The following PCDHAC2 variants were observed in gnomAD, a reference collection of about 807,000 sequenced individuals.
The protein encoded by PCDHAC2 is protocadherin alpha subfamily C, 2.
A neutral mutation model predicts 63.3 loss-of-function variants in PCDHAC2; 24 were observed. The ratio of observed to expected loss-of-function variants is 0.38; its 90% CI spans 0.27 to 0.53. PCDHAC2 has a LOEUF of 0.53. Among genes scored for constraint, PCDHAC2 ranks in the 20% least tolerant of loss-of-function variants. PCDHAC2 has a pLI of 0.81. For missense variants in PCDHAC2, 1,181 were observed against 1,275.2 expected (o/e 0.93, Z 1.12); for synonymous variants, 569 against 529.4 (o/e 1.07, Z -1.03).
At position 141,009,688 on chromosome 5, in the gene PCDHAC2, C is replaced by A. The variant is rs2098413722; in HGVS notation, c.2775C>A (p.Thr925=). 1 of 1,613,960 alleles carries A rather than the reference C, an allele frequency of 6.2e-7. No individual in the cohort carries two copies. Among genetic ancestry groups the A allele is most frequent in the Admixed American group, 1.7e-5 (1 of 59,994 alleles). ...CGGGTGTCAACAGCAACAGCTGGAC[C>A]TTTAAATACGGACCAGGCAACCCCA... ...VGAGVNSNSW[T]FKYGPGNPKQ... is the part of the protein sequence containing the mutation. Residue 925 remains threonine, a synonymous_variant, in exon 4 of 4, where the codon ACC becomes ACA. Transcript: ENST00000289269.
Position 141,000,369 on chromosome 5 carries a change from C to CTG in PCDHAC2, c.2714-9257_2714-9256insGT, listed in dbSNP as rs1469177188. On this transcript the variant is annotated intron_variant, in intron 3 of 3. Coordinates refer to ENST00000289269, the MANE Select transcript of PCDHAC2 (RefSeq NM_018899.6). ...TCTCTCTGTCTCTCTCTGTCTCTCT[C>CTG]TCTCTCTCTCTCTCTCTCTCTCTCT... Among the ~76,000 whole-genome samples, 12 of 35,276 alleles carry CTG rather than the reference C, an allele frequency of 3.4e-4. No individual in the cohort carries two copies. In the East Asian group the frequency reaches 5.7e-3, roughly 17 times the overall value. The allele number at this position is 35,276 out of a possible 152,430, so 23.1% of individuals were successfully genotyped here.
At chr5:140,974,426 G>T (rs1417085676) in intron 1 of PCDHAC2, among the ~76,000 whole-genome samples, 1 of 152,152 alleles carries the variant, frequency 6.6e-6, no homozygotes, top group Non-Finnish European at 1.5e-5. Flanking sequence ...TTACTTTCCT[G>T]GTTTGTAAAT....
At chr5:140,971,661 TAGAG>T (rs2096491377) in intron 1 of PCDHAC2, among the ~76,000 whole-genome samples, 1 of 152,064 alleles carries the variant, frequency 6.6e-6, no homozygotes, top group Non-Finnish European at 1.5e-5. Context: ...AGATGGGAAT[TAGAG>T]AGGAAGAGTA....
At chr5:140,998,472 A>G (rs1212895520) in intron 3 of PCDHAC2, among the ~76,000 whole-genome samples, 1 of 151,938 alleles carries the variant, frequency 6.6e-6, no homozygotes, top group Non-Finnish European at 1.5e-5. Context: ...TTTTCCTCCC[A>G]CTGTGCTGTA....
intron 3 of PCDHAC2, among the ~76,000 whole-genome samples, chr5:140,998,686 T>G (rs1245765431): frequency 6.6e-6 from 1 of 152,118 alleles, no homozygotes; most frequent in Non-Finnish European, 1.5e-5. Context: ...TGCCTCAGCC[T>G]CCCAAGTAGC....
chr5:140,967,712 G>A lies in PCDHAC2; in HGVS notation c.946G>A (p.Glu316Lys). 1.2e-6 allele frequency: 2 copies of A among 1,614,196 alleles called. No homozygotes were observed. Among genetic ancestry groups the A allele is most frequent in the Non-Finnish European group, 1.7e-6 (2 of 1,180,042 alleles). ...CTTCAGCATAGATGCCAGTACCGGG[G>A]AAGTGCGAGTAATTGGGGGGCTGGA... ...QLFSIDASTG[E>K]VRVIGGLDYE... Residue 316 changes from glutamate to lysine, a missense_variant, in exon 1 of 4, where the codon GAA becomes AAA. Coordinates refer to ENST00000289269, the MANE Select transcript of PCDHAC2 (RefSeq NM_018899.6).
chr5:140,990,998 T>C (rs994699186), intron 3 of PCDHAC2, among the ~76,000 whole-genome samples: 1 of 152,216 alleles, frequency 6.6e-6, no homozygotes, highest in Non-Finnish European at 1.5e-5. Flanking sequence ...CTACCATTTA[T>C]TGAGAACTGT....
Position 141,010,907 on chromosome 5 carries a change from C to G in PCDHAC2, c.*970C>G, listed in dbSNP as rs2098418753. 6.5e-6 allele frequency: 1 copy of G among 153,766 alleles called. No individual in the cohort carries two copies. 9.5% of individuals were successfully genotyped at this position (153,766 alleles called of 1,614,324 possible). A position where few individuals can be genotyped will look rare whatever the true frequency, so the allele number is the denominator to read the frequency against. ...GAAATATGAATACAATTCCCCTAAACTCTCCTCAAAAGAGAATTCAGTCTA... is the reference window on the plus strand; with the variant it reads ...GAAATATGAATACAATTCCCCTAAAGTCTCCTCAAAAGAGAATTCAGTCTA... On this transcript the variant is annotated 3_prime_UTR_variant, in exon 4 of 4. Coordinates refer to ENST00000289269, the MANE Select transcript of PCDHAC2 (RefSeq NM_018899.6).
intron 3 of PCDHAC2, among the ~76,000 whole-genome samples, chr5:140,991,237 A>G (rs2097440162): frequency 6.6e-6 from 1 of 152,186 alleles, no homozygotes; most frequent in African/African-American, 2.4e-5. Context: ...ATGCAGTGGT[A>G]AAGGCAGTAT....
Position 140,993,462 on chromosome 5 carries a change from T to A in PCDHAC2, c.2713+10899T>A, listed in dbSNP as rs540334246. Among the ~76,000 whole-genome samples, 1,220 of 141,042 alleles carry A rather than the reference T, an allele frequency of 8.6e-3. 14 individuals carry two copies. The highest frequency in any genetic ancestry group is 0.02 in the African/African-American group (760 of 37,958). 92.5% of individuals were successfully genotyped at this position (141,042 alleles called of 152,430 possible). A position where few individuals can be genotyped will look rare whatever the true frequency, so the allele number is the denominator to read the frequency against. On this transcript the variant is annotated intron_variant, in intron 3 of 3. Coordinates refer to ENST00000289269, the MANE Select transcript of PCDHAC2 (RefSeq NM_018899.6). ...CATTCCTGTTCTCCTTCTTTCTTTC[T>A]CACACACACACACACACACACACAC...
At position 141,009,870 on chromosome 5, in the gene PCDHAC2, A is replaced by G. The variant is rs1554262513; in HGVS notation, c.2957A>G (p.Lys986Arg). 1.9e-6 allele frequency: 3 copies of G among 1,614,114 alleles called. No homozygotes were observed. Among genetic ancestry groups the G allele is most frequent in the South Asian group, 2.2e-5 (2 of 91,074 alleles). ...GAGACCAAGAAAAAGAAGAAAAAGA[A>G]GAAGGGTAACAAGACCCAGGAGAAA... ...KEETKKKKKK[K>R]KGNKTQEKKE... The change falls in exon 4 of 4, where the codon AAG (lysine) becomes AGG (arginine). Residue 986 changes from lysine to arginine, a missense_variant. Physicochemically the swap from Lys to Arg is conservative, Grantham distance 26. This residue lies in a region of PCDHAC2 where 968 missense variants were observed against 1,073.5 expected (regional missense o/e 0.90). Coordinates refer to ENST00000289269, the MANE Select transcript of PCDHAC2 (RefSeq NM_018899.6).
At chr5:140,976,528 A>G (rs1238458657) in intron 1 of PCDHAC2, among the ~76,000 whole-genome samples, 1 of 152,112 alleles carries the variant, frequency 6.6e-6, no homozygotes, top group East Asian at 1.9e-4. Flanking sequence ...ACCAGCCTAA[A>G]TGACAGAGTA....
At chr5:141,006,313 G>A (rs190584023) in intron 3 of PCDHAC2, among the ~76,000 whole-genome samples, 18 of 152,072 alleles carry the variant, frequency 1.2e-4, no homozygotes, top group Admixed American at 1.1e-3. Context: ...CCGGGTTCAT[G>A]CCATTCTCCT....
At chr5:140,971,632 A>G (rs1228797401) in intron 1 of PCDHAC2, among the ~76,000 whole-genome samples, 2 of 152,158 alleles carry the variant, frequency 1.3e-5, no homozygotes, top group Admixed American at 6.5e-5. Context: ...AATTAGTACC[A>G]TGTGCCTACA....
intron 3 of PCDHAC2, among the ~76,000 whole-genome samples, chr5:140,994,883 A>T (rs1197020328): frequency 6.6e-6 from 1 of 152,222 alleles, no homozygotes; most frequent in Non-Finnish European, 1.5e-5. Flanking sequence ...AAGAGATGTT[A>T]GGAAATGAGA....
rs960365429 is a variant in PCDHAC2 at position 140,966,499 on chromosome 5, A to C, written c.-268A>C. On this transcript the variant is annotated 5_prime_UTR_variant, in exon 1 of 4. Coordinates refer to ENST00000289269, the MANE Select transcript of PCDHAC2 (RefSeq NM_018899.6). ...TCCTTTTCCCTCCCCCTGGAGCTGT[A>C]GCGGCAGCAGCAGCAGGAAGCCGAG... 1.4e-5 allele frequency: 6 copies of C among 431,834 alleles called. No homozygotes were observed. The highest frequency in any genetic ancestry group is 2.4e-5 in the Non-Finnish European group (6 of 248,886). 26.8% of individuals were successfully genotyped at this position (431,834 alleles called of 1,614,324 possible). A position where few individuals can be genotyped will look rare whatever the true frequency, so the allele number is the denominator to read the frequency against.
Position 141,010,389 on chromosome 5 carries a change from G to A in PCDHAC2, c.*452G>A. The A allele has an allele frequency of 1.4e-6, 2 of 1,400,314 alleles. No individual in the cohort carries two copies. Among genetic ancestry groups the A allele is most frequent in the Non-Finnish European group, 1.9e-6 (2 of 1,052,510 alleles). The allele number at this position is 1,400,314 out of a possible 1,614,324, so 86.7% of individuals were successfully genotyped here. ...TATGCGAGTGCCAGATATTGGCTGA[G>A]ACGAGCCAGCTTAGACTAATTGGTA... On this transcript the variant is annotated 3_prime_UTR_variant, in exon 4 of 4. Coordinates refer to ENST00000289269, the MANE Select transcript of PCDHAC2 (RefSeq NM_018899.6).
In PCDHAC2 at chr5:140,982,553, T is replaced by A. The variant is rs782605920; in HGVS notation, c.2703T>A (p.Ser901Arg). The A allele has an allele frequency of 1.9e-5, 30 of 1,614,054 alleles. No homozygotes were observed. In the South Asian group the frequency reaches 3.2e-4, roughly 17 times the overall value. ...GPDQQWPTVS[S>R]ATPEPEAGEV... ...ATCAGCAGTGGCCAACAGTATCCAG[T>A]GCAACACCAGGTAAAGAGCTGGGGT... The change falls in exon 3 of 4, where the codon AGT (serine) becomes AGA (arginine). Residue 901 changes from serine (S) to arginine (R), a missense_variant. Transcript: ENST00000289269.
chr5:140,998,186 CA>C (rs1323195881), intron 3 of PCDHAC2, among the ~76,000 whole-genome samples: 1 of 152,088 alleles, frequency 6.6e-6, no homozygotes, highest in African/African-American at 2.4e-5. Context: ...AAGCACTTTA[CA>C]AGTATTAACT....
Sources: gnomAD v4.1 joint callset for allele counts (sites outside exome capture counted in the v4.1 genomes callset) on GRCh38, gnomAD v4.1.1 for gene constraint, gnomAD v4.1.1 regional missense constraint, MANE v1.5 for transcripts, NCBI Gene and HGNC (gene_info 2026-07-23, HGNC 2026-07-21) for gene names.